The following DLGAP5 variants were observed in gnomAD, a reference collection of about 807,000 sequenced individuals.
DLGAP5 encodes disks large-associated protein 5.
In DLGAP5, 90 loss-of-function variants were observed where a neutral mutation model predicts 99.6. The observed-to-expected ratio is 0.90, with a 90% CI of 0.76 to 1.08. DLGAP5 has a LOEUF of 1.08. DLGAP5 is among the 50% of genes least tolerant of loss of function. DLGAP5 has a pLI of 0.00. For missense variants in DLGAP5, 1,036 were observed against 983.5 expected, an observed-to-expected ratio of 1.05 and a Z score of -0.71; for synonymous variants, 311 against 321.3, an observed-to-expected ratio of 0.97 and a Z score of 0.34.
At chr14:55,154,837 A>G (rs764846714) in intron 14 of DLGAP5, 31 bp from the exon 15 acceptor site, 2 of 1,581,090 alleles carry the variant, frequency 1.3e-6, no homozygotes, top group East Asian at 2.2e-5. Flanking sequence ...CCTCAATACC[A>G]AATAGTTCTT....
intron 1 of DLGAP5, among the ~76,000 whole-genome samples, chr14:55,190,019 G>C (rs1809698452): frequency 6.6e-6 from 1 of 152,126 alleles, no homozygotes; most frequent in Non-Finnish European, 1.5e-5. Context: ...CATACAAAAA[G>C]GTACCACTTT....
At chr14:55,150,725 C>T in intron 18 of DLGAP5, 74 bp downstream of exon 18, 2 of 1,150,804 alleles carry the variant, frequency 1.7e-6, no homozygotes, top group Non-Finnish European at 2.5e-6. Flanking sequence ...GCCTTGTACA[C>T]AAATAGAAAA....
chr14:55,171,819 G>C (rs549472449), intron 10 of DLGAP5, among the ~76,000 whole-genome samples: 22 of 152,254 alleles, frequency 1.4e-4, no homozygotes, highest in African/African-American at 5.1e-4. Context: ...TACAATGAAT[G>C]AACCTTGAGG....
At chr14:55,160,398 A>T (rs1882376998) in intron 13 of DLGAP5, among the ~76,000 whole-genome samples, 1 of 151,724 alleles carries the variant, frequency 6.6e-6, no homozygotes. Context: ...CTATATAAAA[A>T]AAAAAAAAAA....
At position 55,175,971 on chromosome 14, in the gene DLGAP5, G is replaced by A. The variant is rs1317869876; in HGVS notation, c.1097C>T (p.Thr366Ile). ...TTGCTGTATTGTCTTGGTAGAGTAA[G>A]TTTTACATTTTTGTGCCAAAATTTC... ...TKEILAQKCK[T>I]YSTKTIQQDS... Residue 366 changes from threonine to isoleucine, a missense_variant, in exon 9 of 19, where the codon ACT (threonine) becomes ATT (isoleucine). Transcript: ENST00000247191. 1 of 1,609,068 alleles carries A rather than the reference G, an allele frequency of 6.2e-7. No individual in the cohort carries two copies. Among genetic ancestry groups the A allele is most frequent in the Non-Finnish European group, 8.5e-7 (1 of 1,176,988 alleles).
chr14:55,166,957 T>C (rs533844883), intron 12 of DLGAP5, among the ~76,000 whole-genome samples: 1 of 149,780 alleles, frequency 6.7e-6, no homozygotes, highest in Non-Finnish European at 1.5e-5. Flanking sequence ...TGAGCATCAG[T>C]CAAGATAATG....
At position 55,151,770 on chromosome 14, in the gene DLGAP5, T is replaced by C; in HGVS notation, c.2293A>G (p.Met765Val). 3.7e-6 allele frequency: 6 copies of C among 1,613,988 alleles called. No homozygotes were observed. The highest frequency in any genetic ancestry group is 5.1e-6 in the Non-Finnish European group (6 of 1,179,954). ...NSSITSQDVLMSSPEKNTASQ... is the reference protein window; with the variant it reads ...NSSITSQDVLVSSPEKNTASQ... Reference sequence around the variant, plus strand: ...GCTGTATTTTTTTCAGGGCTACTCATCAAAACATCCTGTGATGTAATTGAA... The same window carrying C: ...GCTGTATTTTTTTCAGGGCTACTCACCAAAACATCCTGTGATGTAATTGAA... The change falls in exon 17 of 19, where the codon ATG becomes GTG. Residue 765 changes from methionine to valine, a missense_variant. By Grantham distance (21) the Met-to-Val change is conservative (BLOSUM62 1). Transcript: ENST00000247191.
At chr14:55,155,856 A>C (rs940614935) in intron 14 of DLGAP5, among the ~76,000 whole-genome samples, 12 of 151,850 alleles carry the variant, frequency 7.9e-5, no homozygotes, top group African/African-American at 2.7e-4. Flanking sequence ...TGGGAGGCTG[A>C]GGCAGGTGGA....
intron 1 of DLGAP5, among the ~76,000 whole-genome samples, chr14:55,190,608 A>T (rs1399375106): frequency 6.6e-6 from 1 of 152,234 alleles, no homozygotes; most frequent in African/African-American, 2.4e-5. Flanking sequence ...ATTCTTCAAC[A>T]AGAATTAACT....
Position 55,181,265 on chromosome 14 carries a change from T to C in DLGAP5, c.528A>G (p.Arg176=). 2 of 1,614,164 alleles carry C rather than the reference T, an allele frequency of 1.2e-6. No homozygotes were observed. The highest frequency in any genetic ancestry group is 2.2e-5 in the East Asian group (1 of 44,886). ...TTTCAGAAGTTTGTCTTGGACCAGG[T>C]CGGATTGCTCGAACATCACTCTCGT... ...IDNESDVRAI[R]PGPRQTSEKK... The change falls in exon 5 of 19, where the codon CGA becomes CGG. Residue 176 remains arginine, a synonymous_variant. Coordinates refer to ENST00000247191, the MANE Select transcript of DLGAP5 (RefSeq NM_014750.5).
At position 55,152,577 on chromosome 14, in the gene DLGAP5, G is replaced by T; in HGVS notation, c.2121+13C>A. On this transcript the variant is annotated intron_variant, in intron 16 of 18. Transcript: ENST00000247191. The stretch of plus-strand genomic sequence containing the variant: ...CATACTGGGCTATCTAACCACACTG[G>T]AATTGTACTTACATGATTTTCTTCA... 6.3e-7 allele frequency: 1 copy of T among 1,593,058 alleles called. No individual in the cohort carries two copies. The highest frequency in any genetic ancestry group is 1.7e-5 in the Admixed American group (1 of 58,512).
At chr14:55,169,305 T>C (rs945171873) in intron 12 of DLGAP5, 94 bp downstream of exon 12, 1 of 777,818 alleles carries the variant, frequency 1.3e-6, no homozygotes, top group Admixed American at 3.4e-5. Context: ...TACAGGTACA[T>C]AAGCAGCTAC....
Position 55,169,542 on chromosome 14 carries a change from T to G in DLGAP5, c.1405A>C (p.Thr469Pro). The G allele has an allele frequency of 6.3e-7, 1 of 1,589,980 alleles. No homozygotes were observed. ...AGGAGTCTTGTTTGACCAACTGCTG[T>G]GCGAATAAGATCTTTAGCTGAAGGA... ...IPDDAKDLIR[T>P]AVGQTRLLMK... The change falls in exon 12 of 19, where the codon ACA becomes CCA. Residue 469 changes from threonine (T) to proline (P), a missense_variant. Physicochemically the swap from Thr to Pro is conservative, Grantham distance 38. Transcript: ENST00000247191.
intron 10 of DLGAP5, among the ~76,000 whole-genome samples, chr14:55,172,859 G>A (rs1882908570): frequency 6.6e-6 from 1 of 151,320 alleles, no homozygotes; most frequent in Admixed American, 6.6e-5. Context: ...GCACACGCCT[G>A]TAATCCTGGC....
chr14:55,167,582 T>C (rs1882689471), intron 12 of DLGAP5, among the ~76,000 whole-genome samples: 1 of 152,226 alleles, frequency 6.6e-6, no homozygotes. Context: ...TTTCTGGGAA[T>C]GGAGCCCACT....
At chr14:55,189,923 CTCGAGAAA>C (rs1336361036) in intron 1 of DLGAP5, among the ~76,000 whole-genome samples, 2 of 152,164 alleles carry the variant, frequency 1.3e-5, no homozygotes, top group African/African-American at 4.8e-5. Context: ...AATGCCAACT[CTCGAGAAA>C]TCCTGCCTTG....
chr14:55,162,877 A>C, intron 13 of DLGAP5, 94 bp downstream of exon 13: 1 of 528,176 alleles, frequency 1.9e-6, no homozygotes, highest in South Asian at 4.4e-5. Context: ...CTTAAAAACA[A>C]GAAGTAGAAG....
rs183772092 is a variant in DLGAP5 at position 55,181,344 on chromosome 14, A to G, written c.496-47T>C. 3.4e-5 allele frequency: 50 copies of G among 1,474,290 alleles called. No individual in the cohort carries two copies. The African/African-American group carries it at 6.6e-4, about 19-fold the overall frequency. 91.3% of individuals were successfully genotyped at this position (1,474,290 alleles called of 1,614,324 possible). Reference sequence around the variant, plus strand: ...ATGTGATTTAATTGCATAATGAATCAGACCATCATATTTTTAATCTGTAAA... The same window carrying G: ...ATGTGATTTAATTGCATAATGAATCGGACCATCATATTTTTAATCTGTAAA... On this transcript the variant is annotated intron_variant, in intron 4 of 18. Coordinates refer to ENST00000247191, the MANE Select transcript of DLGAP5 (RefSeq NM_014750.5).
intron 2 of DLGAP5, among the ~76,000 whole-genome samples, chr14:55,186,216 A>G (rs1883432054): frequency 6.6e-6 from 1 of 152,220 alleles, no homozygotes; most frequent in Non-Finnish European, 1.5e-5. Flanking sequence ...GGTTGCGGTG[A>G]GCCGAGATCG....
Sources: allele counts gnomAD v4.1 joint callset (sites outside exome capture counted in the v4.1 genomes callset), GRCh38; gene constraint gnomAD v4.1.1; transcripts MANE v1.5; gene names NCBI Gene and HGNC (gene_info 2026-07-23, HGNC 2026-07-21).